TAB2: variants seen among roughly 807,000 people sequenced by gnomAD.
The protein encoded by TAB2 is TGF-beta-activated kinase 1 and MAP3K7-binding protein 2.
Under a neutral mutation model 65.0 loss-of-function variants are expected in TAB2, and 3 were observed. The ratio of observed to expected loss-of-function variants is 0.05; its 90% CI spans 0.02 to 0.12. The LOEUF (loss-of-function observed/expected upper bound fraction) is 0.12. Among genes scored for constraint, TAB2 ranks in the 10% least tolerant of loss-of-function variants. TAB2 has a pLI of 1.00. For synonymous variants in TAB2, 298 were observed against 285.1 expected (o/e 1.05, Z -0.46); for missense variants, 623 against 840.3 (o/e 0.74, Z 3.20).
At chr6:149,397,793 C>G (rs1782224947) in intron 4 of TAB2, 29 bp downstream of exon 4, 3 of 1,611,164 alleles carry the variant, frequency 1.9e-6, no homozygotes, top group Non-Finnish European at 2.5e-6. Flanking sequence ...GTTGTGATCT[C>G]TGCTTGAACA....
At chr6:149,389,400 C>A (rs1005767484) in intron 3 of TAB2, among the ~76,000 whole-genome samples, 2 of 151,978 alleles carry the variant, frequency 1.3e-5, no homozygotes, top group African/African-American at 4.8e-5. Flanking sequence ...AATCCCAGCA[C>A]TTTGGGAGCC....
chr6:149,336,923 A>T (rs112294346), intron 1 of TAB2, among the ~76,000 whole-genome samples: 3 of 3,058 alleles, frequency 9.8e-4, no homozygotes, highest in Admixed American at 7.1e-3. Flanking sequence ...GCATTTAGAT[A>T]AAAAAAAAAA....
chr6:149,383,097 G>A (rs1293594620), intron 3 of TAB2, among the ~76,000 whole-genome samples: 4 of 152,094 alleles, frequency 2.6e-5, no homozygotes, highest in Non-Finnish European at 2.9e-5. Flanking sequence ...AGTGGTTGCA[G>A]TGAGCCGAGT....
At chr6:149,317,588 G>C (rs1331001365), upstream of TAB2, 5 of 153,478 alleles carry the variant, frequency 3.3e-5, no homozygotes, top group African/African-American at 1.2e-4. This position sits in a 1 kb window ranked among gnomAD's most constrained non-coding sequence, Gnocchi z 4.7. Context: ...GCCGCGGCGA[G>C]AGCGAGCGAG....
chr6:149,345,729 A>G (rs2114790170), intron 1 of TAB2, among the ~76,000 whole-genome samples: 1 of 152,292 alleles, frequency 6.6e-6, no homozygotes, highest in South Asian at 2.1e-4. Context: ...TCAGCATCAT[A>G]GGAAAGGACA....
At chr6:149,258,673 AG>A (rs1474736191) in intron 1 of TAB2, among the ~76,000 whole-genome samples, 1 of 152,208 alleles carries the variant, frequency 6.6e-6, no homozygotes, top group Non-Finnish European at 1.5e-5. Flanking sequence ...ATCTCTTTTC[AG>A]TCTGATAAAG....
At chr6:149,263,303 A>G (rs763044088) in intron 1 of TAB2, among the ~76,000 whole-genome samples, 9 of 152,234 alleles carry the variant, frequency 5.9e-5, no homozygotes, top group Non-Finnish European at 7.3e-5. Flanking sequence ...GTTACAGAAA[A>G]ACAGATCTTT....
chr6:149,316,929 T>G (rs912182294), upstream of TAB2, among the ~76,000 whole-genome samples: 1 of 151,890 alleles, frequency 6.6e-6, no homozygotes, highest in African/African-American at 2.4e-5. Context: ...TCCCTCCCGT[T>G]AGCCGGCGGT....
chr6:149,253,742 T>C (rs970184488), intron 1 of TAB2, among the ~76,000 whole-genome samples: 11 of 149,604 alleles, frequency 7.4e-5, no homozygotes, highest in African/African-American at 2.7e-4. Flanking sequence ...GCTAACATGG[T>C]GAAACCCCGT....
At chr6:149,274,922 T>C (rs1180159354) in intron 1 of TAB2, among the ~76,000 whole-genome samples, 2 of 152,062 alleles carry the variant, frequency 1.3e-5, no homozygotes, top group African/African-American at 4.8e-5. Flanking sequence ...TCCAGTGCCT[T>C]GGGGCTCCAC....
At chr6:149,349,405 G>C (rs971568112) in intron 1 of TAB2, among the ~76,000 whole-genome samples, 1 of 144,046 alleles carries the variant, frequency 6.9e-6, no homozygotes, top group African/African-American at 2.6e-5. Flanking sequence ...GGGCAACAGA[G>C]TGACACTCCG....
chr6:149,404,480 CAAT>C (rs1481952336), intron 6 of TAB2, among the ~76,000 whole-genome samples: 1 of 152,158 alleles, frequency 6.6e-6, no homozygotes, highest in Non-Finnish European at 1.5e-5. Context: ...ATAGCCAAAG[CAAT>C]CTTGAGTAAG....
At chr6:149,392,205 A>C (rs1393718643) in intron 3 of TAB2, among the ~76,000 whole-genome samples, 1 of 151,956 alleles carries the variant, frequency 6.6e-6, no homozygotes, top group Admixed American at 6.6e-5. Context: ...CAGTGACACA[A>C]TATCAGTTCA....
At chr6:149,323,245 C>G (rs1779508608) in intron 1 of TAB2, among the ~76,000 whole-genome samples, 1 of 151,792 alleles carries the variant, frequency 6.6e-6, no homozygotes, top group South Asian at 2.1e-4. Flanking sequence ...TGAATCTAGC[C>G]AAAAGTTCAA....
chr6:149,352,068 G>A (rs1028359834), intron 1 of TAB2, among the ~76,000 whole-genome samples: 1 of 152,006 alleles, frequency 6.6e-6, no homozygotes, highest in African/African-American at 2.4e-5. Context: ...AATAGTAAAG[G>A]CCAATACTTT....
Position 149,403,283 on chromosome 6 carries a change from TAC to T in TAB2, c.1939+4111_1939+4112del, listed in dbSNP as rs1165709961. 3.1e-3 allele frequency among the ~76,000 whole-genome samples: 76 copies of T among 24,548 alleles called. 2 individuals are homozygous for T. The highest frequency in any genetic ancestry group is 9.8e-3 in the African/African-American group (51 of 5,190). The allele number at this position is 24,548 out of a possible 152,430, so 16.1% of individuals were successfully genotyped here. ...ATATATATATATATATATATATATATACACACACACACATATATATATATATA... is the reference window on the plus strand; with the variant it reads ...ATATATATATATATATATATATATATACACACACACATATATATATATATA... On this transcript the variant is annotated intron_variant, in intron 6 of 6. Coordinates refer to ENST00000637181, the MANE Select transcript of TAB2 (RefSeq NM_001292034.3).
intron 1 of TAB2, among the ~76,000 whole-genome samples, chr6:149,341,765 G>A (rs936497075): frequency 6.6e-5 from 10 of 152,018 alleles, no homozygotes; most frequent in Admixed American, 6.6e-4. Context: ...TCAGTTTTTG[G>A]ATCTTCGTCT....
intron 1 of TAB2, among the ~76,000 whole-genome samples, chr6:149,368,248 T>C (rs1781103103): frequency 6.6e-6 from 1 of 152,014 alleles, no homozygotes; most frequent in Non-Finnish European, 1.5e-5. Flanking sequence ...GGAGTAGTGG[T>C]TGAATGGGTC....
At chr6:149,398,353 A>G (rs1782246737) in intron 5 of TAB2, among the ~76,000 whole-genome samples, 1 of 152,208 alleles carries the variant, frequency 6.6e-6, no homozygotes, top group Non-Finnish European at 1.5e-5. Flanking sequence ...ATAGTAAATA[A>G]TGTTTACAAT....
Sources: allele counts gnomAD v4.1 joint callset (sites outside exome capture counted in the v4.1 genomes callset), GRCh38; gene constraint gnomAD v4.1.1; non-coding constraint Gnocchi (gnomAD v3.1); transcripts MANE v1.5; gene names NCBI Gene and HGNC (gene_info 2026-07-23, HGNC 2026-07-21).